The following TAFA2 variants were observed in gnomAD, a reference collection of about 807,000 sequenced individuals.
The protein encoded by TAFA2 is chemokine-like protein TAFA-2.
TAFA2 carries 7 observed loss-of-function variants against 18.8 expected under a neutral mutation model. The observed-to-expected ratio is 0.37, with a 90% confidence interval of 0.21 to 0.70. TAFA2 has a LOEUF of 0.70. Ranked by LOEUF, TAFA2 falls within the 30% of genes least tolerant of loss-of-function variation. The pLI, the probability that TAFA2 is intolerant of heterozygous loss-of-function variation, is 0.53. For synonymous variants in TAFA2, 60 were observed against 54.2 expected (o/e 1.11, Z -0.47); for missense variants, 122 against 158.1 (o/e 0.77, Z 1.23).
At chr12:62,009,425 T>C (rs754232863) in intron 1 of TAFA2, among the ~76,000 whole-genome samples, 2 of 152,198 alleles carry the variant, frequency 1.3e-5, no homozygotes, top group Non-Finnish European at 2.9e-5. Context: ...AATTTGAAGA[T>C]TATACATAAT....
At position 62,191,840 on chromosome 12, in the gene TAFA2, A is replaced by C. The variant is rs1337899885; in HGVS notation, c.-583T>G. 4 of 152,618 alleles carry C rather than the reference A, an allele frequency of 2.6e-5. No individual in the cohort carries two copies. Among genetic ancestry groups the C allele is most frequent in the African/African-American group, 4.8e-5 (2 of 41,400 alleles). The allele number at this position is 152,618 out of a possible 1,614,324, so 9.5% of individuals were successfully genotyped here. ...CCCTCTCACACACACACACACTCACACATCCTCCGTTCCCTCTCTCCCGCC... is the reference window on the plus strand; with the variant it reads ...CCCTCTCACACACACACACACTCACCCATCCTCCGTTCCCTCTCTCCCGCC... On this transcript the variant is annotated 5_prime_UTR_variant, in exon 1 of 5. Transcript: ENST00000416284.
At chr12:61,872,506 A>T (rs981030592) in intron 1 of TAFA2, among the ~76,000 whole-genome samples, 1 of 152,062 alleles carries the variant, frequency 6.6e-6, no homozygotes, top group African/African-American at 2.4e-5. Flanking sequence ...ATGTAAATCA[A>T]ATCACATTGC....
intron 2 of TAFA2, among the ~76,000 whole-genome samples, chr12:61,812,970 A>G (rs1871936081): frequency 6.6e-6 from 1 of 151,474 alleles, no homozygotes; most frequent in African/African-American, 2.5e-5. Flanking sequence ...TCCTTCCCTA[A>G]TTTTCCCTTG....
At chr12:61,719,308 C>A (rs1041735715) in intron 4 of TAFA2, among the ~76,000 whole-genome samples, 7 of 152,162 alleles carry the variant, frequency 4.6e-5, no homozygotes, top group African/African-American at 2.4e-5. Flanking sequence ...TAGACATAAA[C>A]AATTGCCAGC....
chr12:62,010,214 A>G (rs1880688588), intron 1 of TAFA2, among the ~76,000 whole-genome samples: 1 of 119,408 alleles, frequency 8.4e-6, no homozygotes, highest in Admixed American at 1.2e-4. Flanking sequence ...TCTGTTACCG[A>G]GGCTGGATTG....
rs115586358 is a variant in TAFA2, at chr12:61,975,297, C to T, written c.-1-107871G>A. Among the ~76,000 whole-genome samples, 370 of 151,836 alleles carry T rather than the reference C, an allele frequency of 2.4e-3. 2 individuals carry two copies. Among genetic ancestry groups the T allele is most frequent in the African/African-American group, 8.5e-3 (354 of 41,482 alleles). The stretch of plus-strand genomic sequence containing the variant: ...TTGTACCCTTTGACCTACATCTCCC[C>T]ATTCCTTCTTCCCTCACTTCCACCC... On this transcript the variant is annotated intron_variant, in intron 1 of 4. Transcript: ENST00000416284.
chr12:62,093,213 A>G (rs1395825827), intron 1 of TAFA2, among the ~76,000 whole-genome samples: 1 of 151,980 alleles, frequency 6.6e-6, no homozygotes, highest in Non-Finnish European at 1.5e-5. Context: ...ACTTGCAACA[A>G]TATTATTCTT....
chr12:62,189,255 C>T (rs1349858413), intron 1 of TAFA2, among the ~76,000 whole-genome samples: 1 of 152,118 alleles, frequency 6.6e-6, no homozygotes, highest in Admixed American at 6.6e-5. Flanking sequence ...TTAAAAGATT[C>T]CCTGTGCCTA....
intron 1 of TAFA2, among the ~76,000 whole-genome samples, chr12:61,948,901 C>T (rs529235956): frequency 6.6e-6 from 1 of 152,300 alleles, no homozygotes; most frequent in Non-Finnish European, 1.5e-5. Flanking sequence ...GAGTACTACT[C>T]ATCACTCCTG....
At chr12:62,122,482 T>C (rs1357107451) in intron 1 of TAFA2, among the ~76,000 whole-genome samples, 1 of 152,224 alleles carries the variant, frequency 6.6e-6, no homozygotes, top group African/African-American at 2.4e-5. Flanking sequence ...ATTGACTTTT[T>C]ATCTCATTTA....
chr12:61,841,757 C>G (rs747924807), intron 2 of TAFA2, among the ~76,000 whole-genome samples: 1 of 151,966 alleles, frequency 6.6e-6, no homozygotes, highest in African/African-American at 2.4e-5. Context: ...ATGTTCTCAT[C>G]GCAACAAAGA....
intron 1 of TAFA2, among the ~76,000 whole-genome samples, chr12:61,959,692 G>A (rs191593691): frequency 1.3e-5 from 2 of 152,168 alleles, no homozygotes; most frequent in African/African-American, 4.8e-5. Flanking sequence ...GGTGGAAAGA[G>A]AGAACATCTA....
chr12:61,713,907 T>G (rs1449121867), intron 4 of TAFA2, among the ~76,000 whole-genome samples: 1 of 152,178 alleles, frequency 6.6e-6, no homozygotes, highest in Non-Finnish European at 1.5e-5. Flanking sequence ...TCCAACATTT[T>G]AAAAAGTATA....
At chr12:62,206,871 T>C (rs1283693909) in intron 1 of TAFA2, 3 of 130,970 alleles carry the variant, frequency 2.3e-5, no homozygotes, top group Non-Finnish European at 5.3e-5. Context: ...TTTGTTTACA[T>C]CCTGGTTTTT....
At chr12:62,135,078 T>C (rs915093975) in intron 1 of TAFA2, among the ~76,000 whole-genome samples, 1 of 152,204 alleles carries the variant, frequency 6.6e-6, no homozygotes, top group Admixed American at 6.6e-5. Context: ...ATAATACTAA[T>C]CACAAGTACT....
chr12:62,211,064 TC>T (rs1228490943), intron 1 of TAFA2, among the ~76,000 whole-genome samples: 1 of 152,108 alleles, frequency 6.6e-6, no homozygotes, highest in Non-Finnish European at 1.5e-5. Flanking sequence ...CAGCAAGAGA[TC>T]TTTAGGACTA....
intron 1 of TAFA2, among the ~76,000 whole-genome samples, chr12:61,960,175 C>A (rs992732201): frequency 6.6e-6 from 1 of 151,628 alleles, no homozygotes; most frequent in Non-Finnish European, 1.5e-5. Context: ...TGTCATTCAC[C>A]ATTTTATGGG....
At chr12:61,846,349 GCAAA>G (rs1873406136) in intron 2 of TAFA2, among the ~76,000 whole-genome samples, 1 of 152,040 alleles carries the variant, frequency 6.6e-6, no homozygotes, top group African/African-American at 2.4e-5. Context: ...TCTTTTCTGA[GCAAA>G]CAAAGAGTCA....
rs1167741777 is a variant in TAFA2 at position 62,125,584 on chromosome 12, T to A, written c.-2+65675A>T. On this transcript the variant is annotated intron_variant, in intron 1 of 4. Transcript: ENST00000416284. ...GTTTCCCAAATGCTCACTGAACCTG[T>A]TAATAGGGCATATTTGTGTTCTGTC... Among the ~76,000 whole-genome samples, 3 of 152,258 alleles carry A rather than the reference T, an allele frequency of 2.0e-5. No homozygotes were observed. In the East Asian group the frequency reaches 5.8e-4, roughly 29 times the overall value.
Sources: allele counts gnomAD v4.1 joint callset (sites outside exome capture counted in the v4.1 genomes callset), GRCh38; gene constraint gnomAD v4.1.1; transcripts MANE v1.5; gene names NCBI Gene and HGNC (gene_info 2026-07-23, HGNC 2026-07-21).